MLLT3: variants seen among roughly 807,000 people sequenced by gnomAD.
MLLT3 encodes protein AF-9.
A neutral mutation model predicts 53.2 loss-of-function variants in MLLT3; 4 were observed. That is an observed-to-expected ratio of 0.08 (90% CI 0.04 to 0.17). The LOEUF (loss-of-function observed/expected upper bound fraction) is 0.17, where lower values mean the gene tolerates loss of function less well. MLLT3 is among the 10% of genes least tolerant of loss of function. The pLI is 1.00. For missense variants in MLLT3, 569 were observed against 684.0 expected, an observed-to-expected ratio of 0.83 and a Z score of 1.87; for synonymous variants, 283 against 230.6, an observed-to-expected ratio of 1.23 and a Z score of -2.06.
chr9:20,525,056 G>A (rs1818164835), intron 2 of MLLT3, among the ~76,000 whole-genome samples: 1 of 149,752 alleles, frequency 6.7e-6, no homozygotes, highest in South Asian at 2.1e-4. Flanking sequence ...GGGGAAGAAA[G>A]GGATGAGAAG....
chr9:20,448,254 T>C lies in MLLT3; in HGVS notation c.289A>G (p.Lys97Glu). Residue 97 changes from lysine (K) to glutamate (E), a missense_variant, in exon 4 of 11, where the codon AAA becomes GAA. By Grantham distance (56) the Lys-to-Glu change is moderately conservative (BLOSUM62 1). Transcript: ENST00000380338. The surrounding 1 kb of genome is among the most constrained non-coding windows in gnomAD (Gnocchi z 4.0). Reference protein sequence around the residue: ...VYFKNKEEPRKVRFDYDLFLH... With the variant: ...VYFKNKEEPREVRFDYDLFLH... ...AATAAGTCATAATCAAAGCGGACTT[T>C]CCTAGGTTCTTCCTGGAGGTTAACA... 1 of 1,612,958 alleles carries C rather than the reference T, an allele frequency of 6.2e-7. No homozygotes were observed. The highest frequency in any genetic ancestry group is 8.5e-7 in the Non-Finnish European group (1 of 1,179,448).
intron 2 of MLLT3, among the ~76,000 whole-genome samples, chr9:20,525,848 C>G (rs1489556523): frequency 6.6e-6 from 1 of 152,152 alleles, no homozygotes; most frequent in Admixed American, 6.5e-5. Flanking sequence ...TAGGTTGAAG[C>G]CTGACCCTCT....
At chr9:20,459,711 A>G (rs1030805651) in intron 2 of MLLT3, among the ~76,000 whole-genome samples, 1 of 152,182 alleles carries the variant, frequency 6.6e-6, no homozygotes, top group Non-Finnish European at 1.5e-5. Flanking sequence ...ATCGTTGAAT[A>G]TCTTTGGATT....
At chr9:20,385,032 T>C (rs1822000737) in intron 5 of MLLT3, among the ~76,000 whole-genome samples, 1 of 152,154 alleles carries the variant, frequency 6.6e-6, no homozygotes, top group Non-Finnish European at 1.5e-5. Flanking sequence ...AAGTTACCTC[T>C]AGACTCAGAC....
intron 4 of MLLT3, among the ~76,000 whole-genome samples, chr9:20,426,001 T>A (rs1352690451): frequency 6.6e-6 from 1 of 152,012 alleles, no homozygotes; most frequent in Non-Finnish European, 1.5e-5. Flanking sequence ...ACAAAATATA[T>A]AATGCCCTTT....
At chr9:20,557,018 A>G (rs1026423072) in intron 2 of MLLT3, among the ~76,000 whole-genome samples, 6 of 152,190 alleles carry the variant, frequency 3.9e-5, no homozygotes, top group African/African-American at 1.4e-4. Context: ...TACGATTCAG[A>G]AGAAGAACGC....
At chr9:20,347,585 G>GT (rs1439329246) in intron 10 of MLLT3, among the ~76,000 whole-genome samples, 1 of 152,176 alleles carries the variant, frequency 6.6e-6, no homozygotes, top group Non-Finnish European at 1.5e-5. Flanking sequence ...CTTTTACCAT[G>GT]TAAAGTATCT....
rs867254727 is a variant in MLLT3, at chr9:20,498,219, C to A, written c.194-41433G>T. ...CTCCAGCCTAGGTGACAGAGCGAGA[C>A]GCTGTCTCAAAAAAAAAAAAAAAAA... On this transcript the variant is annotated intron_variant, in intron 2 of 10. Transcript: ENST00000380338. Among the ~76,000 whole-genome samples the A allele has an allele frequency of 4.2e-5, 4 of 94,366 alleles. No individual in the cohort carries two copies. In the South Asian group the frequency reaches 1.5e-3, roughly 37 times the overall value. 61.9% of individuals were successfully genotyped at this position (94,366 alleles called of 152,430 possible). A position where few individuals can be genotyped will look rare whatever the true frequency, so the allele number is the denominator to read the frequency against.
chr9:20,489,911 GA>G (rs1824906077), intron 2 of MLLT3, among the ~76,000 whole-genome samples: 2 of 152,024 alleles, frequency 1.3e-5, no homozygotes, highest in Admixed American at 1.3e-4. Context: ...CTGAGTCAGG[GA>G]AAGAAAATGA....
In MLLT3 at chr9:20,622,342, G is replaced by T; in HGVS notation, c.-86C>A. 7.8e-7 allele frequency: 1 copy of T among 1,278,044 alleles called. No homozygotes were observed. The highest frequency in any genetic ancestry group is 1.1e-6 in the Non-Finnish European group (1 of 938,870). The allele number at this position is 1,278,044 out of a possible 1,614,324, so 79.2% of individuals were successfully genotyped here. ...CTCAGCTGTAATTCATGAAGAGGCT[G>T]CTATGAATGAGAGCGCGCCCAGGAG... On this transcript the variant is annotated 5_prime_UTR_variant, in exon 1 of 11. Coordinates refer to ENST00000380338, the MANE Select transcript of MLLT3 (RefSeq NM_004529.4).
At chr9:20,515,007 C>A (rs1429666048) in intron 2 of MLLT3, among the ~76,000 whole-genome samples, 1 of 131,200 alleles carries the variant, frequency 7.6e-6, no homozygotes, top group Non-Finnish European at 1.5e-5. Flanking sequence ...AGTGCAGTGG[C>A]GTTATCTCGG....
chr9:20,371,515 T>C (rs1379820983), intron 5 of MLLT3, among the ~76,000 whole-genome samples: 2 of 152,244 alleles, frequency 1.3e-5, no homozygotes, highest in African/African-American at 2.4e-5. Context: ...TTAAGAATTA[T>C]GCTAAATCTA....
intron 2 of MLLT3, among the ~76,000 whole-genome samples, chr9:20,477,930 A>G (rs183403434): frequency 8.5e-5 from 13 of 152,360 alleles, no homozygotes; most frequent in African/African-American, 3.1e-4. Context: ...TTAGGATTTC[A>G]TTTTTAATTA....
At chr9:20,434,475 A>C (rs543214238) in intron 4 of MLLT3, among the ~76,000 whole-genome samples, 1 of 152,060 alleles carries the variant, frequency 6.6e-6, no homozygotes, top group Non-Finnish European at 1.5e-5. Context: ...GGACTAAGGG[A>C]CTCTGGGAAG....
At chr9:20,379,373 C>A (rs1010503367) in intron 5 of MLLT3, among the ~76,000 whole-genome samples, 2 of 152,012 alleles carry the variant, frequency 1.3e-5, no homozygotes, top group African/African-American at 4.8e-5. Flanking sequence ...CTAAAGAACA[C>A]AGAATTTAGA....
At chr9:20,515,697 G>A (rs572659944) in intron 2 of MLLT3, among the ~76,000 whole-genome samples, 1 of 152,092 alleles carries the variant, frequency 6.6e-6, no homozygotes, top group East Asian at 1.9e-4. Context: ...TTTATCTGAC[G>A]AGCTCCTGGG....
intron 2 of MLLT3, among the ~76,000 whole-genome samples, chr9:20,464,202 A>G (rs1157946813): frequency 6.6e-6 from 1 of 152,068 alleles, no homozygotes; most frequent in Non-Finnish European, 1.5e-5. Flanking sequence ...AAGAATTTTA[A>G]TGTGTTAATT....
At chr9:20,527,716 T>C (rs1818238835) in intron 2 of MLLT3, among the ~76,000 whole-genome samples, 1 of 152,174 alleles carries the variant, frequency 6.6e-6, no homozygotes, top group Admixed American at 6.5e-5. Flanking sequence ...TAGAATTTCA[T>C]ATAGGTAATG....
chr9:20,606,872 T>G (rs1270869418), intron 2 of MLLT3, among the ~76,000 whole-genome samples: 1 of 152,150 alleles, frequency 6.6e-6, no homozygotes, highest in South Asian at 2.1e-4. Context: ...AATTTCAAGA[T>G]TATTCTTTTG....
Sources: allele counts gnomAD v4.1 joint callset (sites outside exome capture counted in the v4.1 genomes callset), GRCh38; gene constraint gnomAD v4.1.1; non-coding constraint Gnocchi (gnomAD v3.1); transcripts MANE v1.5; gene names NCBI Gene and HGNC (gene_info 2026-07-23, HGNC 2026-07-21).